The following MARCHF1 variants were observed in gnomAD, a reference collection of about 807,000 sequenced individuals.
The protein encoded by MARCHF1 is membrane associated ring-CH-type finger 1, also known as E3 ubiquitin-protein ligase MARCHF1.
In MARCHF1, 40 loss-of-function variants were observed where a neutral mutation model predicts 54.2. That is an observed-to-expected ratio of 0.74 (90% CI 0.57 to 0.96). The LOEUF is 0.96. Ranked by LOEUF, MARCHF1 falls within the 40% of genes least tolerant of loss-of-function variation. The pLI, the probability that MARCHF1 is intolerant of heterozygous loss-of-function variation, is 0.00. For synonymous variants in MARCHF1, 236 were observed against 236.3 expected (o/e 1.00, Z 0.01); for missense variants, 586 against 656.5 (o/e 0.89, Z 1.17).
intron 1 of MARCHF1, among the ~76,000 whole-genome samples, chr4:164,261,222 G>T (rs897681139): frequency 3.3e-5 from 5 of 152,078 alleles, no homozygotes; most frequent in African/African-American, 1.2e-4. Flanking sequence ...GAATTGTGAG[G>T]CAATAAATTT....
intron 1 of MARCHF1, among the ~76,000 whole-genome samples, chr4:164,271,097 A>C (rs35814879): frequency 0.011 from 1,723 of 152,324 alleles, 32 homozygotes; most frequent in East Asian, 0.089. Flanking sequence ...GAAATCAGTA[A>C]GTAAATAGAT....
intron 4 of MARCHF1, among the ~76,000 whole-genome samples, chr4:163,719,244 T>C (rs1745363259): frequency 6.8e-6 from 1 of 148,082 alleles, no homozygotes. Context: ...AGTGTTCTCA[T>C]TGTTCAATTG....
At chr4:163,813,485 T>A (rs1332188281) in intron 4 of MARCHF1, among the ~76,000 whole-genome samples, 2 of 152,192 alleles carry the variant, frequency 1.3e-5, no homozygotes, top group East Asian at 3.8e-4. Flanking sequence ...CAGAATGCTA[T>A]ATTAGAATAT....
At chr4:164,284,095 T>A (rs369852794) in intron 1 of MARCHF1, among the ~76,000 whole-genome samples, 1 of 151,008 alleles carries the variant, frequency 6.6e-6, no homozygotes, top group Non-Finnish European at 1.5e-5. Flanking sequence ...AGATAAAAGG[T>A]ACTGAAACTG....
At chr4:163,903,448 T>C (rs1234011690) in intron 3 of MARCHF1, among the ~76,000 whole-genome samples, 1 of 152,184 alleles carries the variant, frequency 6.6e-6, no homozygotes, top group Non-Finnish European at 1.5e-5. Context: ...TTTTCTGTTG[T>C]AGCTGAAAAG....
chr4:163,765,269 T>G (rs549821092), intron 4 of MARCHF1, among the ~76,000 whole-genome samples: 5 of 152,138 alleles, frequency 3.3e-5, no homozygotes, highest in Non-Finnish European at 7.4e-5. Flanking sequence ...TGTATAGTCA[T>G]TATATTCTAA....
intron 4 of MARCHF1, among the ~76,000 whole-genome samples, chr4:163,804,818 C>G (rs1579300055): frequency 1.3e-5 from 2 of 152,064 alleles, no homozygotes; most frequent in African/African-American, 2.4e-5. Context: ...ACGGCATTCC[C>G]TTTTAGACAT....
chr4:163,582,738 C>G lies in MARCHF1; in HGVS notation c.1191+3011G>C, dbSNP rs1740270742. Among the ~76,000 whole-genome samples the G allele has an allele frequency of 2.0e-5, 3 of 149,170 alleles. No individual in the cohort carries two copies. The Admixed American group carries it at 2.0e-4, about 10-fold the overall frequency. ...AATATATTCTAACCAAATGCTATAGCTAGCATTCTCTATAACTGTTTAAAA... is the reference window on the plus strand; with the variant it reads ...AATATATTCTAACCAAATGCTATAGGTAGCATTCTCTATAACTGTTTAAAA... On this transcript the variant is annotated intron_variant, in intron 8 of 9. Transcript: ENST00000514618.
At chr4:163,852,114 T>A (rs953016523) in intron 4 of MARCHF1, among the ~76,000 whole-genome samples, 32 of 152,210 alleles carry the variant, frequency 2.1e-4, no homozygotes, top group South Asian at 4.1e-4. Context: ...GTGAAGAAAA[T>A]GTCATCAAGA....
intron 1 of MARCHF1, among the ~76,000 whole-genome samples, chr4:164,243,231 A>C (rs1306494793): frequency 1.4e-5 from 2 of 143,826 alleles, no homozygotes; most frequent in Non-Finnish European, 3.0e-5. Context: ...CCAGAGAGAA[A>C]GGTCGGGTTA....
At position 164,258,804 on chromosome 4, in the gene MARCHF1, T is replaced by G. The variant is rs903510994; in HGVS notation, c.-323+125066A>C. On this transcript the variant is annotated intron_variant, in intron 1 of 9. Coordinates refer to ENST00000514618, the MANE Select transcript of MARCHF1 (RefSeq NM_001394959.1). The stretch of plus-strand genomic sequence containing the variant: ...ACTTTAGTAGCTCTGGTTTGATTAT[T>G]CTGAGGAATTGTTATCTTTAGAGTC... Among the ~76,000 whole-genome samples the G allele has an allele frequency of 2.6e-5, 4 of 152,188 alleles. No homozygotes were observed. In the East Asian group the frequency reaches 7.7e-4, roughly 29 times the overall value.
At chr4:163,750,286 C>T (rs911753018) in intron 4 of MARCHF1, among the ~76,000 whole-genome samples, 4 of 151,748 alleles carry the variant, frequency 2.6e-5, no homozygotes, top group South Asian at 2.1e-4. Flanking sequence ...CCGAGGCGGG[C>T]GGATCATGAG....
At position 163,643,220 on chromosome 4, in the gene MARCHF1, C is replaced by G. The variant is rs111940343; in HGVS notation, c.163-29827G>C. On this transcript the variant is annotated intron_variant, in intron 5 of 9. Transcript: ENST00000514618. ...GTGCACGTCTGTAATCCCAGCTACTCGGGAGGCTGAGGCAGGAGAATTGCT... is the reference window on the plus strand; with the variant it reads ...GTGCACGTCTGTAATCCCAGCTACTGGGGAGGCTGAGGCAGGAGAATTGCT... 2.3e-3 allele frequency among the ~76,000 whole-genome samples: 340 copies of G among 150,634 alleles called. 3 individuals carry two copies. The highest frequency in any genetic ancestry group is 4.1e-3 in the Non-Finnish European group (276 of 67,736).
chr4:163,899,337 G>A lies in MARCHF1; in HGVS notation c.-38-45168C>T, dbSNP rs935312716. On this transcript the variant is annotated intron_variant, in intron 3 of 9. Transcript: ENST00000514618. ...TGATGCCGGATTGTTAAATTTAATG[G>A]TTGGTTGTTCATTTTTACTTTATCA... 4.6e-5 allele frequency among the ~76,000 whole-genome samples: 7 copies of A among 152,060 alleles called. No homozygotes were observed. The East Asian group carries it at 1.4e-3, about 29-fold the overall frequency.
intron 8 of MARCHF1, among the ~76,000 whole-genome samples, chr4:163,579,629 G>A (rs990614732): frequency 3.9e-5 from 6 of 152,138 alleles, no homozygotes; most frequent in African/African-American, 1.4e-4. Context: ...TCCCTAGAGT[G>A]TTCTCAGTCA....
chr4:164,291,324 T>G (rs1579693827), intron 1 of MARCHF1, among the ~76,000 whole-genome samples: 1 of 152,026 alleles, frequency 6.6e-6, no homozygotes, highest in Non-Finnish European at 1.5e-5. Context: ...ATTTTTTGCA[T>G]GTCATTTCTA....
intron 3 of MARCHF1, among the ~76,000 whole-genome samples, chr4:163,961,278 C>T (rs1343225895): frequency 6.6e-6 from 1 of 151,906 alleles, no homozygotes; most frequent in Non-Finnish European, 1.5e-5. Context: ...CCATATTGAC[C>T]TTCCATGTAA....
intron 2 of MARCHF1, among the ~76,000 whole-genome samples, chr4:164,023,734 G>T (rs1753714124): frequency 6.6e-6 from 1 of 152,124 alleles, no homozygotes; most frequent in South Asian, 2.1e-4. Context: ...TTCTTAAACA[G>T]ACTGAATGAA....
chr4:163,581,971 T>A (rs138476527), intron 8 of MARCHF1, among the ~76,000 whole-genome samples: 1 of 152,240 alleles, frequency 6.6e-6, no homozygotes, highest in Non-Finnish European at 1.5e-5. Context: ...AAATAGTTTC[T>A]ATATAGAGTA....
Sources: allele counts gnomAD v4.1 joint callset (sites outside exome capture counted in the v4.1 genomes callset), GRCh38; gene constraint gnomAD v4.1.1; transcripts MANE v1.5; gene names NCBI Gene and HGNC (gene_info 2026-07-23, HGNC 2026-07-21).